PRKCE: variants seen among roughly 807,000 people sequenced by gnomAD.
PRKCE encodes the protein protein kinase C epsilon type.
In PRKCE, 16 loss-of-function variants were observed where a neutral mutation model predicts 85.4. The ratio of observed to expected loss-of-function variants is 0.19; its 90% CI spans 0.13 to 0.28. PRKCE has a LOEUF of 0.28. PRKCE is among the 10% of genes least tolerant of loss of function. PRKCE has a pLI of 1.00. For synonymous variants in PRKCE, 388 were observed against 371.5 expected (o/e 1.04, Z -0.51); for missense variants, 573 against 975.2 (o/e 0.59, Z 5.49).
chr2:46,006,396 C>T (rs764416853), intron 8 of PRKCE, among the ~76,000 whole-genome samples: 28 of 152,150 alleles, frequency 1.8e-4, no homozygotes, highest in Non-Finnish European at 3.1e-4. Flanking sequence ...CAGCAGCTTT[C>T]CCCGTCTTCA....
Position 45,814,011 on chromosome 2 carries a change from G to A in PRKCE, c.349-28989G>A, listed in dbSNP as rs191353293. ...CTCATAAATTGACCTTACCAAGGTG[G>A]GCAGGACATCAGAGAAGCCCCCACC... is the stretch of plus-strand genomic sequence containing the variant. On this transcript the variant is annotated intron_variant, in intron 1 of 14. Transcript: ENST00000306156. Among the ~76,000 whole-genome samples the A allele has an allele frequency of 8.9e-4, 135 of 152,204 alleles. 1 individual carries two copies. Among genetic ancestry groups the A allele is most frequent in the African/African-American group, 3.2e-3 (132 of 41,516 alleles).
rs539242380 is a variant in PRKCE at position 45,652,674 on chromosome 2, T to C, written c.348+226T>C. The stretch of plus-strand genomic sequence containing the variant: ...AGAGGATGTGGCCCTCTGCTCCCTC[T>C]GTGCCCTCCAGTTGGTGGGTGCTGC... On this transcript the variant is annotated intron_variant, in intron 1 of 14. Transcript: ENST00000306156. This position sits in a 1 kb window ranked among gnomAD's most constrained non-coding sequence, Gnocchi z 7.7. Among the ~76,000 whole-genome samples, 3 of 152,360 alleles carry C rather than the reference T, an allele frequency of 2.0e-5. No homozygotes were observed. In the South Asian group the frequency reaches 6.2e-4, roughly 32 times the overall value.
At chr2:45,778,249 G>T (rs1014725807) in intron 1 of PRKCE, among the ~76,000 whole-genome samples, 1 of 152,116 alleles carries the variant, frequency 6.6e-6, no homozygotes, top group African/African-American at 2.4e-5. Context: ...GCCATGAGGG[G>T]TTTTGAGCAG....
chr2:45,888,465 C>CTTTTTTTTTTTTTTTTTTTT (rs34871432), intron 2 of PRKCE, among the ~76,000 whole-genome samples: 1 of 74,752 alleles, frequency 1.3e-5, no homozygotes, highest in African/African-American at 5.3e-5. Context: ...TCCCAACAGT[C>CTTTTTTTTTTTTTTTTTTTT]TTTTTTTTTT....
rs769313874 is a variant in PRKCE, at chr2:45,744,549, TCTTCCTTC to T, written c.348+92121_348+92128del. 2.1e-4 allele frequency among the ~76,000 whole-genome samples: 18 copies of T among 84,058 alleles called. 2 individuals are homozygous for T. The highest frequency in any genetic ancestry group is 5.7e-4 in the Admixed American group (5 of 8,814). The allele number at this position is 84,058 out of a possible 152,430, so 55.1% of individuals were successfully genotyped here. A position where few individuals can be genotyped will look rare whatever the true frequency, so the allele number is the denominator to read the frequency against. On this transcript the variant is annotated intron_variant, in intron 1 of 14. Coordinates refer to ENST00000306156, the MANE Select transcript of PRKCE (RefSeq NM_005400.3). Reference sequence around the variant, plus strand: ...CTTTTTCTTTCCTTCTTTCTTTCTTTCTTCCTTCCTTCCTTCCTTCCTTCCTTTCTTTT... The same window carrying T: ...CTTTTTCTTTCCTTCTTTCTTTCTTTCTTCCTTCCTTCCTTCCTTTCTTTT...
At chr2:45,992,720 C>T (rs1703905165) in intron 6 of PRKCE, among the ~76,000 whole-genome samples, 1 of 152,190 alleles carries the variant, frequency 6.6e-6, no homozygotes, top group South Asian at 2.1e-4. Context: ...TGTCTGCTTG[C>T]TTTGGAGGAA....
rs1157905941 is a variant in PRKCE, at chr2:45,786,343, A to C, written c.349-56657A>C. ...TTACAATGAAGAGACAGTTCAAGTG[A>C]CAGTTGCTGTTTAACCGCCTCATCC... On this transcript the variant is annotated intron_variant, in intron 1 of 14. Coordinates refer to ENST00000306156, the MANE Select transcript of PRKCE (RefSeq NM_005400.3). This position sits in a 1 kb window ranked among gnomAD's most constrained non-coding sequence, Gnocchi z 5.3. Among the ~76,000 whole-genome samples, 1 of 152,146 alleles carries C rather than the reference A, an allele frequency of 6.6e-6. No individual in the cohort carries two copies. Among genetic ancestry groups the C allele is most frequent in the Non-Finnish European group, 1.5e-5 (1 of 68,036 alleles).
chr2:45,822,505 A>G lies in PRKCE; in HGVS notation c.349-20495A>G, dbSNP rs555576173. On this transcript the variant is annotated intron_variant, in intron 1 of 14. Transcript: ENST00000306156. ...GATGTGTCTGTTGCTGGATGTGGAC[A>G]CAAGGGTAACTGCCAGCCATCCCCA... 7.9e-5 allele frequency among the ~76,000 whole-genome samples: 12 copies of G among 152,360 alleles called. No individual in the cohort carries two copies. The East Asian group carries it at 2.1e-3, about 27-fold the overall frequency.
chr2:45,755,469 T>C (rs884401), intron 1 of PRKCE, among the ~76,000 whole-genome samples: 46,306 of 152,114 alleles, frequency 0.3, 7,567 homozygotes, highest in East Asian at 0.4. Flanking sequence ...ACCTTCATTC[T>C]ACGGTGACTG....
At chr2:46,128,782 C>A (rs1421573242) in intron 11 of PRKCE, among the ~76,000 whole-genome samples, 1 of 152,170 alleles carries the variant, frequency 6.6e-6, no homozygotes, top group African/African-American at 2.4e-5. Context: ...GCTGGATAAC[C>A]ACACACCTAA....
chr2:45,863,065 G>T (rs931128031), intron 2 of PRKCE, among the ~76,000 whole-genome samples: 2 of 152,208 alleles, frequency 1.3e-5, no homozygotes, highest in Non-Finnish European at 2.9e-5. Context: ...TGAGGGACTG[G>T]GGGGTTGTGG....
chr2:45,999,694 A>AT (rs1704510971), intron 6 of PRKCE, among the ~76,000 whole-genome samples: 1 of 151,324 alleles, frequency 6.6e-6, no homozygotes, highest in Non-Finnish European at 1.5e-5. Flanking sequence ...AAATATTAAT[A>AT]TTTTTTTCTG....
At chr2:45,773,893 C>A (rs1020472385) in intron 1 of PRKCE, among the ~76,000 whole-genome samples, 2 of 152,170 alleles carry the variant, frequency 1.3e-5, no homozygotes, top group Admixed American at 6.5e-5. Context: ...GTGCCCTGGG[C>A]AGCTGCCCAA....
At chr2:45,714,760 A>T (rs1172472245) in intron 1 of PRKCE, among the ~76,000 whole-genome samples, 3 of 152,170 alleles carry the variant, frequency 2.0e-5, no homozygotes, top group Non-Finnish European at 2.9e-5. Context: ...TCAGGGGATG[A>T]TGAGCCTTGA....
intron 8 of PRKCE, among the ~76,000 whole-genome samples, chr2:46,005,017 G>C (rs1193643809): frequency 6.6e-6 from 1 of 152,154 alleles, no homozygotes; most frequent in Non-Finnish European, 1.5e-5. Flanking sequence ...ACTCCCTTGA[G>C]TTGAGTTTGA....
chr2:45,660,021 T>C (rs1021444083), intron 1 of PRKCE, among the ~76,000 whole-genome samples: 2 of 152,312 alleles, frequency 1.3e-5, no homozygotes, highest in African/African-American at 4.8e-5. Context: ...AATGAATAAA[T>C]TGTTGAATGA....
At chr2:46,115,029 GTCCAACCTCTCC>G (rs1242245648) in intron 11 of PRKCE, among the ~76,000 whole-genome samples, 1 of 152,184 alleles carries the variant, frequency 6.6e-6, no homozygotes, top group African/African-American at 2.4e-5. Context: ...CCATGAAGGT[GTCCAACCTCTCC>G]TGAGTGGCCC....
At chr2:45,899,935 C>G (rs1696451598) in intron 2 of PRKCE, among the ~76,000 whole-genome samples, 1 of 152,172 alleles carries the variant, frequency 6.6e-6, no homozygotes, top group Admixed American at 6.5e-5. Context: ...AATCTTTCTT[C>G]TACTAGCCCG....
intron 2 of PRKCE, among the ~76,000 whole-genome samples, chr2:45,873,409 G>C (rs2105765244): frequency 6.6e-6 from 1 of 151,224 alleles, no homozygotes; most frequent in East Asian, 1.9e-4. Flanking sequence ...TGTGGTACAA[G>C]CTGCATACGA....
Sources: allele counts gnomAD v4.1 joint callset (sites outside exome capture counted in the v4.1 genomes callset), GRCh38; gene constraint gnomAD v4.1.1; non-coding constraint Gnocchi (gnomAD v3.1); transcripts MANE v1.5; gene names NCBI Gene and HGNC (gene_info 2026-07-23, HGNC 2026-07-21).